ACOT11: variants seen among roughly 807,000 people sequenced by gnomAD.
The protein encoded by ACOT11 is acyl-coenzyme A thioesterase 11.
In ACOT11, 69 loss-of-function variants were observed where a neutral mutation model predicts 77.5. The observed-to-expected ratio is 0.89, with a 90% CI of 0.73 to 1.09. The LOEUF (loss-of-function observed/expected upper bound fraction) is 1.09. Ranked by LOEUF, ACOT11 falls within the 50% of genes least tolerant of loss-of-function variation. The pLI, the probability that ACOT11 is intolerant of heterozygous loss-of-function variation, is 0.00. For synonymous variants in ACOT11, 279 were observed against 313.0 expected (o/e 0.89, Z 1.15); for missense variants, 766 against 813.7 (o/e 0.94, Z 0.71).
chr1:54,580,789 G>T (rs990770603), intron 1 of ACOT11, among the ~76,000 whole-genome samples: 1 of 152,380 alleles, frequency 6.6e-6, no homozygotes, highest in African/African-American at 2.4e-5. Flanking sequence ...GAGATGGTGA[G>T]GCTGCAGGGG....
downstream of ACOT11, chr1:54,611,019 G>T (rs1039886128): frequency 4.1e-6 from 4 of 985,244 alleles, no homozygotes; most frequent in Non-Finnish European, 1.2e-6. Flanking sequence ...AATAATGGGG[G>T]GTTTGGAATT....
downstream of ACOT11, chr1:54,611,723 C>G: frequency 6.2e-7 from 1 of 1,614,130 alleles, no homozygotes; most frequent in Non-Finnish European, 8.5e-7. Context: ...TCCGAGGCAG[C>G]CTGCCACAGC....
chr1:54,614,847 T>C (rs1644154697), downstream of ACOT11: 2 of 1,613,588 alleles, frequency 1.2e-6, no homozygotes, highest in South Asian at 1.1e-5. Context: ...GTTCTTGAAG[T>C]CCAGTTTGAT....
downstream of ACOT11, chr1:54,611,782 C>T (rs371875573): frequency 1.7e-4 from 282 of 1,611,482 alleles, 1 homozygote; most frequent in Middle Eastern, 1.7e-3. Flanking sequence ...CCTGTCTGGG[C>T]CCAGCAAGAC....
intron 5 of ACOT11, among the ~76,000 whole-genome samples, 178 bp downstream of exon 5, chr1:54,594,217 C>T (rs759354771): frequency 2.6e-5 from 4 of 152,162 alleles, no homozygotes; most frequent in Admixed American, 6.5e-5. Context: ...CCCCCAGCCC[C>T]CTCTCCCCTC....
At chr1:54,614,695 C>T, downstream of ACOT11, 1 of 1,609,140 alleles carries the variant, frequency 6.2e-7, no homozygotes, top group South Asian at 1.1e-5. Flanking sequence ...GAGGCGAACA[C>T]TCACTGTGTG....
At chr1:54,549,898 A>G (rs1237185231) in intron 1 of ACOT11, among the ~76,000 whole-genome samples, 6 of 152,182 alleles carry the variant, frequency 3.9e-5, no homozygotes, top group Admixed American at 3.9e-4. Flanking sequence ...TTAACCCTTT[A>G]TGACTTTTTC....
chr1:54,634,145 C>A (rs1644317452), intron 16 of ACOT11, among the ~76,000 whole-genome samples: 1 of 152,206 alleles, frequency 6.6e-6, no homozygotes, highest in Admixed American at 6.5e-5. Flanking sequence ...ACAAATACAG[C>A]AAGCTTTTAT....
At chr1:54,558,677 A>C (rs543825955) in intron 1 of ACOT11, among the ~76,000 whole-genome samples, 1 of 152,312 alleles carries the variant, frequency 6.6e-6, no homozygotes, top group Non-Finnish European at 1.5e-5. Context: ...GCAGCTGAAT[A>C]GGGGCCCAGC....
In ACOT11 at chr1:54,569,463, C is replaced by G. The variant is rs141162722; in HGVS notation, c.34-15192C>G. On this transcript the variant is annotated intron_variant, in intron 1 of 15. Transcript: ENST00000343744. Reference sequence around the variant, plus strand: ...GCCCCCTCACTGTCCCTCCGACGGCCTGGTTGTCATCCTGAGCCACTCCTT... The same window carrying G: ...GCCCCCTCACTGTCCCTCCGACGGCGTGGTTGTCATCCTGAGCCACTCCTT... Among the ~76,000 whole-genome samples, 324 of 152,300 alleles carry G rather than the reference C, an allele frequency of 2.1e-3. 1 individual carries two copies. Among genetic ancestry groups the G allele is most frequent in the South Asian group, 7.9e-3 (38 of 4,820 alleles).
In ACOT11 at chr1:54,604,942, CAG is replaced by C. The variant is rs1644007325; in HGVS notation, c.1237-129_1237-128del. 1.5e-5 allele frequency: 14 copies of C among 937,904 alleles called. No individual in the cohort carries two copies. In the Middle Eastern group the frequency reaches 2.9e-3, roughly 193 times the overall value. 58.1% of individuals were successfully genotyped at this position (937,904 alleles called of 1,614,324 possible). A position where few individuals can be genotyped will look rare whatever the true frequency, so the allele number is the denominator to read the frequency against. On this transcript the variant is annotated intron_variant, in intron 12 of 15. Transcript: ENST00000343744. ...AATTCGTGGGGATGCAGCTGAGACT[CAG>C]AGAGGTTGAGCTGCGTGTTCACATT... is the stretch of plus-strand genomic sequence containing the variant.
chr1:54,601,092 CAT>C (rs1312376614), intron 8 of ACOT11, among the ~76,000 whole-genome samples, 175 bp from the exon 9 acceptor site: 4 of 150,082 alleles, frequency 2.7e-5, no homozygotes, highest in Admixed American at 1.3e-4. Flanking sequence ...TGTGTGCATA[CAT>C]GTGTGTGTAT....
rs947925334 is a variant in ACOT11 at position 54,592,619 on chromosome 1, G to A, written c.372+13G>A. On this transcript the variant is annotated intron_variant, in intron 4 of 15. Transcript: ENST00000343744. The stretch of plus-strand genomic sequence containing the variant: ...CTCCAGCATGGAGGTGTGTGGGGTG[G>A]GCACTGCTTGGGAGTGGGTGCGTGG... 1.2e-6 allele frequency: 2 copies of A among 1,613,028 alleles called. No homozygotes were observed. Among genetic ancestry groups the A allele is most frequent in the Non-Finnish European group, 1.7e-6 (2 of 1,179,542 alleles).
At chr1:54,602,505 G>C (rs531910570) in intron 9 of ACOT11, among the ~76,000 whole-genome samples, 164 bp from the exon 10 acceptor site, 5 of 152,302 alleles carry the variant, frequency 3.3e-5, no homozygotes, top group African/African-American at 9.6e-5. Flanking sequence ...TGGGGCTACA[G>C]CTTAGTTTCC....
intron 8 of ACOT11, 132 bp downstream of exon 8, chr1:54,599,547 G>A (rs1033309581): frequency 1.9e-6 from 2 of 1,060,692 alleles, no homozygotes; most frequent in African/African-American, 1.6e-5. Flanking sequence ...CTGCCTGGCT[G>A]ATGGGTTCCT....
intron 1 of ACOT11, among the ~76,000 whole-genome samples, chr1:54,552,782 C>T (rs907999641): frequency 8.0e-5 from 12 of 150,688 alleles, no homozygotes; most frequent in African/African-American, 1.2e-4. Context: ...CCACCATGCC[C>T]GGCCCACTCT....
At chr1:54,572,695 G>T (rs891810114) in intron 1 of ACOT11, among the ~76,000 whole-genome samples, 2 of 152,200 alleles carry the variant, frequency 1.3e-5, no homozygotes, top group Admixed American at 6.5e-5. Context: ...GTGGCAAATA[G>T]CCCCAAGGGA....
At chr1:54,553,384 G>A (rs1456179830) in intron 1 of ACOT11, among the ~76,000 whole-genome samples, 1 of 151,202 alleles carries the variant, frequency 6.6e-6, no homozygotes, top group African/African-American at 2.4e-5. Context: ...GATGTGCCCA[G>A]TTGAACCTGG....
At chr1:54,616,652 C>T (rs573665130) in intron 15 of ACOT11, among the ~76,000 whole-genome samples, 24 of 152,246 alleles carry the variant, frequency 1.6e-4, no homozygotes, top group Non-Finnish European at 3.2e-4. Context: ...GGATTACAGG[C>T]GTGAGCCACC....
Sources: gnomAD v4.1 joint callset for allele counts (sites outside exome capture counted in the v4.1 genomes callset) on GRCh38, gnomAD v4.1.1 for gene constraint, MANE v1.5 for transcripts, NCBI Gene and HGNC (gene_info 2026-07-23, HGNC 2026-07-21) for gene names.